Variants in DENND1A observed in about 807,000 individuals in gnomAD.
DENND1A encodes DENN domain containing 1A.
Under a neutral mutation model 113.7 loss-of-function variants are expected in DENND1A, and 51 were observed. The ratio of observed to expected loss-of-function variants is 0.45; its 90% CI spans 0.36 to 0.57. DENND1A has a LOEUF of 0.57. Ranked by LOEUF, DENND1A falls within the 20% of genes least tolerant of loss-of-function variation. The pLI is 0.00. For synonymous variants in DENND1A, 565 were observed against 570.8 expected (o/e 0.99, Z 0.14); for missense variants, 1,258 against 1,395.9 (o/e 0.90, Z 1.57).
chr9:123,748,224 G>T (rs777578128), intron 5 of DENND1A, among the ~76,000 whole-genome samples: 8 of 152,126 alleles, frequency 5.3e-5, no homozygotes, highest in Non-Finnish European at 1.0e-4. Context: ...TAGATACAAA[G>T]TTATACCTAC....
At chr9:123,618,404 CTCACGTACAGAATGTGTCAT>C (rs1201113207) in intron 10 of DENND1A, among the ~76,000 whole-genome samples, 1 of 152,232 alleles carries the variant, frequency 6.6e-6, no homozygotes, top group Non-Finnish European at 1.5e-5. Context: ...GAATGTGTCA[CTCACGTACAGAATGTGTCAT>C]GAGAAATGGA....
chr9:123,627,671 C>T (rs2061291323), intron 10 of DENND1A, among the ~76,000 whole-genome samples: 1 of 146,820 alleles, frequency 6.8e-6, no homozygotes, highest in Non-Finnish European at 1.5e-5. Flanking sequence ...ACCTGGGAGG[C>T]AGAGGTTGCA....
chr9:123,466,742 T>C (rs753145088), intron 13 of DENND1A, among the ~76,000 whole-genome samples: 4 of 152,288 alleles, frequency 2.6e-5, no homozygotes, highest in Non-Finnish European at 5.9e-5. Flanking sequence ...CAAAGTAACA[T>C]AAATAAGAAA....
At chr9:123,811,092 A>G (rs1283752674) in intron 2 of DENND1A, among the ~76,000 whole-genome samples, 1 of 152,088 alleles carries the variant, frequency 6.6e-6, no homozygotes, top group Non-Finnish European at 1.5e-5. Context: ...TCTTGCTTGA[A>G]GCCTGGACTA....
rs77578733 is a variant in DENND1A at position 123,590,547 on chromosome 9, G to A, written c.766-7277C>T. Among the ~76,000 whole-genome samples, 449 of 152,260 alleles carry A rather than the reference G, an allele frequency of 2.9e-3. 2 individuals are homozygous for A. Among genetic ancestry groups the A allele is most frequent in the African/African-American group, 9.1e-3 (380 of 41,540 alleles). ...CCTCACAGATTTGTGAGGATTCAAT[G>A]GGTTAATATTTTAAAGTACTTGGAG... On this transcript the variant is annotated intron_variant, in intron 11 of 23. Transcript: ENST00000394215.
chr9:123,927,726 C>T (rs760802317), intron 1 of DENND1A, among the ~76,000 whole-genome samples: 1 of 152,138 alleles, frequency 6.6e-6, no homozygotes, highest in Non-Finnish European at 1.5e-5. Flanking sequence ...ACAAAAGGAA[C>T]CCCTCCCCCT....
chr9:123,903,331 C>CAAAAA (rs869154918), intron 1 of DENND1A, among the ~76,000 whole-genome samples: 1,712 of 26,984 alleles, frequency 0.063, 298 homozygotes, highest in African/African-American at 0.15. Context: ...GACTCCGTCT[C>CAAAAA]AAAAAAAAAA....
Position 123,380,662 on chromosome 9 carries a change from C to G in DENND1A, c.*770G>C, listed in dbSNP as rs1191551200. Reference sequence around the variant, plus strand: ...ACCTGGAGGTATCAGCGTGCCAGAGCTGGATGAGGGCTGGGGGCTCCTCCC... The same window carrying G: ...ACCTGGAGGTATCAGCGTGCCAGAGGTGGATGAGGGCTGGGGGCTCCTCCC... On this transcript the variant is annotated 3_prime_UTR_variant, in exon 24 of 24. Coordinates refer to ENST00000394215, the MANE Select transcript of DENND1A (RefSeq NM_001352964.2). 6.6e-6 allele frequency: 1 copy of G among 152,522 alleles called. No homozygotes were observed. Among genetic ancestry groups the G allele is most frequent in the Non-Finnish European group, 1.5e-5 (1 of 68,060 alleles). The allele number at this position is 152,522 out of a possible 1,614,324, so 9.4% of individuals were successfully genotyped here. A position where few individuals can be genotyped will look rare whatever the true frequency, so the allele number is the denominator to read the frequency against.
chr9:123,621,112 T>A (rs1299007445), intron 10 of DENND1A, among the ~76,000 whole-genome samples: 1 of 151,758 alleles, frequency 6.6e-6, no homozygotes, highest in African/African-American at 2.4e-5. Context: ...CAACTATCCA[T>A]CTAATCCACT....
chr9:123,607,541 AGAGAGAGTGT>A (rs1564807796), intron 11 of DENND1A, among the ~76,000 whole-genome samples: 17 of 127,174 alleles, frequency 1.3e-4, no homozygotes, highest in Admixed American at 5.2e-4. Context: ...AGAGAGAGAG[AGAGAGAGTGT>A]GTGTGTGTGT....
At chr9:123,571,881 T>A (rs1055049139) in intron 12 of DENND1A, among the ~76,000 whole-genome samples, 3 of 152,232 alleles carry the variant, frequency 2.0e-5, no homozygotes, top group Non-Finnish European at 4.4e-5. Flanking sequence ...ACAAACTGTT[T>A]TCCAAAGTGG....
chr9:123,620,416 T>A (rs571910978), intron 10 of DENND1A, among the ~76,000 whole-genome samples: 2 of 152,024 alleles, frequency 1.3e-5, no homozygotes, highest in Non-Finnish European at 2.9e-5. Flanking sequence ...AGGCTCCTCA[T>A]GTACAGCAAT....
chr9:123,551,202 G>A (rs867162434), intron 13 of DENND1A, among the ~76,000 whole-genome samples: 3 of 152,212 alleles, frequency 2.0e-5, no homozygotes, highest in South Asian at 4.1e-4. Context: ...ACATGCCCTT[G>A]TGATTTGCAG....
At chr9:123,803,953 T>C (rs1165036071) in intron 2 of DENND1A, among the ~76,000 whole-genome samples, 1 of 152,196 alleles carries the variant, frequency 6.6e-6, no homozygotes, top group South Asian at 2.1e-4. Flanking sequence ...TAACATCAAT[T>C]ATCAATCTTT....
intron 5 of DENND1A, among the ~76,000 whole-genome samples, chr9:123,689,944 G>A (rs544727362): frequency 2.0e-5 from 3 of 151,366 alleles, no homozygotes; most frequent in South Asian, 2.1e-4. Flanking sequence ...AGCCAAGATC[G>A]CGCCACTGTA....
chr9:123,718,391 T>C (rs755809757), intron 5 of DENND1A, among the ~76,000 whole-genome samples: 5 of 152,244 alleles, frequency 3.3e-5, no homozygotes, highest in Non-Finnish European at 5.9e-5. Context: ...CAAGAGTTTC[T>C]GTTAAGTTGG....
chr9:123,581,458 A>G (rs1159435780), intron 12 of DENND1A, among the ~76,000 whole-genome samples: 5 of 151,860 alleles, frequency 3.3e-5, no homozygotes, highest in Admixed American at 1.3e-4. Context: ...ACACAGCAAG[A>G]CTCCATCTCT....
chr9:123,817,971 G>A (rs1054773784), intron 2 of DENND1A, among the ~76,000 whole-genome samples: 1 of 151,364 alleles, frequency 6.6e-6, no homozygotes, highest in African/African-American at 2.4e-5. Context: ...AAGTTGCGGT[G>A]AGCCGACATC....
intron 21 of DENND1A, chr9:123,401,617 C>T: frequency 1.4e-6 from 2 of 1,432,584 alleles, no homozygotes; most frequent in South Asian, 3.1e-5. Context: ...TTATTTCAAC[C>T]CCAAATATTT....
Sources: gnomAD v4.1 joint callset for allele counts (sites outside exome capture counted in the v4.1 genomes callset) on GRCh38, gnomAD v4.1.1 for gene constraint, MANE v1.5 for transcripts, NCBI Gene and HGNC (gene_info 2026-07-23, HGNC 2026-07-21) for gene names.